The following OTOP1 variants were observed in gnomAD, a reference collection of about 807,000 sequenced individuals.
OTOP1 encodes the protein otopetrin 1, also known as proton channel OTOP1.
Under a neutral mutation model 52.9 loss-of-function variants are expected in OTOP1, and 59 were observed. The ratio of observed to expected loss-of-function variants is 1.12; its 90% CI spans 0.91 to 1.39. The LOEUF is 1.39. OTOP1 is among the 40% of genes most tolerant of loss of function. The pLI is 0.00. For missense variants in OTOP1, 761 were observed against 800.9 expected (o/e 0.95, Z 0.60); for synonymous variants, 317 against 337.7 (o/e 0.94, Z 0.67).
intron 1 of OTOP1, 110 bp from the exon 2 acceptor site, chr4:4,213,114 A>G (rs1717061629): frequency 7.4e-7 from 1 of 1,356,496 alleles, no homozygotes; most frequent in Admixed American, 2.2e-5. Flanking sequence ...TATATGGTCA[A>G]ATGATTTTTC....
intron 3 of OTOP1, among the ~76,000 whole-genome samples, chr4:4,203,941 C>T (rs1716843282): frequency 6.6e-6 from 1 of 152,164 alleles, no homozygotes; most frequent in Non-Finnish European, 1.5e-5. Flanking sequence ...CTTGAACTTG[C>T]CAGTACTCAA....
chr4:4,204,946 G>T (rs1235359034), intron 3 of OTOP1, among the ~76,000 whole-genome samples: 1 of 151,994 alleles, frequency 6.6e-6, no homozygotes, highest in Non-Finnish European at 1.5e-5. Flanking sequence ...AATTTTTTTT[G>T]TATTTTTAGT....
chr4:4,211,626 A>G (rs373181064), intron 2 of OTOP1, among the ~76,000 whole-genome samples: 21 of 152,310 alleles, frequency 1.4e-4, no homozygotes, highest in African/African-American at 3.8e-4. Context: ...GAAGCTGGGC[A>G]TGGTGATGTG....
At chr4:4,195,349 T>C (rs149422888) in intron 5 of OTOP1, among the ~76,000 whole-genome samples, 3,944 of 152,314 alleles carry the variant, frequency 0.026, 140 homozygotes, top group African/African-American at 0.086. Flanking sequence ...TCCTTGCTGA[T>C]GCGGACAGAT....
In OTOP1 at chr4:4,213,024, G is replaced by C; in HGVS notation, c.404-20C>G. The C allele has an allele frequency of 1.9e-6, 3 of 1,611,544 alleles. No homozygotes were observed. Among genetic ancestry groups the C allele is most frequent in the Non-Finnish European group, 2.5e-6 (3 of 1,177,838 alleles). On this transcript the variant is annotated intron_variant, in intron 1 of 5. Transcript: ENST00000296358. Reference sequence around the variant, plus strand: ...TACTACCTAAATGTGGGATGAAGGGGGAAGTGGAAACACACACATTGCATT... The same window carrying C: ...TACTACCTAAATGTGGGATGAAGGGCGAAGTGGAAACACACACATTGCATT...
At chr4:4,224,991 T>C (rs1259896098) in intron 1 of OTOP1, among the ~76,000 whole-genome samples, 1 of 152,210 alleles carries the variant, frequency 6.6e-6, no homozygotes, top group Non-Finnish European at 1.5e-5. Flanking sequence ...CAGTTTGAGA[T>C]CCCCATTCTA....
intron 4 of OTOP1, among the ~76,000 whole-genome samples, chr4:4,201,183 C>G (rs1281697385): frequency 6.6e-6 from 1 of 152,182 alleles, no homozygotes; most frequent in Non-Finnish European, 1.5e-5. Flanking sequence ...AATCCCAACA[C>G]TTTGGGAGGC....
At chr4:4,219,868 TAC>T (rs1220896753) in intron 1 of OTOP1, among the ~76,000 whole-genome samples, 1 of 146,528 alleles carries the variant, frequency 6.8e-6, no homozygotes, top group African/African-American at 2.5e-5. Flanking sequence ...TATATATGTA[TAC>T]ATATATGTAT....
At chr4:4,216,561 C>T (rs369432758) in intron 1 of OTOP1, among the ~76,000 whole-genome samples, 4 of 152,304 alleles carry the variant, frequency 2.6e-5, no homozygotes, top group East Asian at 1.9e-4. Context: ...AATCGCCTGG[C>T]GCTTTTCCAC....
At chr4:4,225,088 T>G (rs1328695444) in intron 1 of OTOP1, among the ~76,000 whole-genome samples, 1 of 152,198 alleles carries the variant, frequency 6.6e-6, no homozygotes, top group African/African-American at 2.4e-5. Context: ...GAAGCCCCAC[T>G]CTAATGGAGA....
chr4:4,194,684 A>G (rs781518046), intron 5 of OTOP1, among the ~76,000 whole-genome samples: 5 of 152,230 alleles, frequency 3.3e-5, no homozygotes, highest in Non-Finnish European at 5.9e-5. Context: ...TGCTAGGGCA[A>G]CAGAGAGCAG....
rs781516949 is a variant in OTOP1 at position 4,212,818 on chromosome 4, G to C, written c.540+50C>G. The C allele has an allele frequency of 2.3e-5, 37 of 1,599,746 alleles. No individual in the cohort carries two copies. The South Asian group carries it at 3.8e-4, about 16-fold the overall frequency. ...ATGTTACAAGTTTCTACACAACCTG[G>C]GATACACTTCATAGGAATGAGACAA... On this transcript the variant is annotated intron_variant, in intron 2 of 5. Transcript: ENST00000296358.
rs1186443192 is a variant in OTOP1 at position 4,219,907 on chromosome 4, ATG to A, written c.403+6553_403+6554del. Among the ~76,000 whole-genome samples the A allele has an allele frequency of 2.6e-3, 375 of 145,826 alleles. 2 individuals are homozygous for A. The highest frequency in any genetic ancestry group is 8.2e-3 in the African/African-American group (327 of 39,896). On this transcript the variant is annotated intron_variant, in intron 1 of 5. Transcript: ENST00000296358. ...TATACACATATATGTATACACATAT[ATG>A]TGTGTATATACGTATACATGTATAC... is the stretch of plus-strand genomic sequence containing the variant.
intron 1 of OTOP1, among the ~76,000 whole-genome samples, chr4:4,220,937 A>T (rs556439586): frequency 7.1e-4 from 108 of 152,250 alleles, no homozygotes; most frequent in African/African-American, 2.4e-3. Flanking sequence ...ACCGGCAGCC[A>T]TCTGACCTCT....
chr4:4,211,967 T>G (rs1336403447), intron 2 of OTOP1, among the ~76,000 whole-genome samples: 1 of 152,138 alleles, frequency 6.6e-6, no homozygotes, highest in Non-Finnish European at 1.5e-5. Context: ...AGAATGGATT[T>G]TAGGTGCCTT....
chr4:4,218,685 TG>T (rs1471018372), intron 1 of OTOP1, among the ~76,000 whole-genome samples: 6 of 152,078 alleles, frequency 3.9e-5, no homozygotes, highest in African/African-American at 1.4e-4. Context: ...CCTGGCACTT[TG>T]GGAGGCCAAG....
intron 1 of OTOP1, among the ~76,000 whole-genome samples, chr4:4,223,326 C>T (rs1361120377): frequency 6.6e-6 from 1 of 152,172 alleles, no homozygotes; most frequent in Non-Finnish European, 1.5e-5. Context: ...CCCATAGACT[C>T]AGGTGCCAAT....
At chr4:4,219,716 C>G (rs1194366668) in intron 1 of OTOP1, among the ~76,000 whole-genome samples, 1 of 148,208 alleles carries the variant, frequency 6.7e-6, no homozygotes, top group African/African-American at 2.5e-5. Context: ...AAAAGACATA[C>G]TGTATGAGGA....
At chr4:4,190,521 T>C (rs1394735923) in intron 5 of OTOP1, among the ~76,000 whole-genome samples, 1 of 152,208 alleles carries the variant, frequency 6.6e-6, no homozygotes, top group African/African-American at 2.4e-5. Flanking sequence ...TGGTTGTGTC[T>C]GTAGTGAATA....
Sources: allele counts gnomAD v4.1 joint callset (sites outside exome capture counted in the v4.1 genomes callset), GRCh38; gene constraint gnomAD v4.1.1; transcripts MANE v1.5; gene names NCBI Gene and HGNC (gene_info 2026-07-23, HGNC 2026-07-21).